ATRNL1: variants seen among roughly 807,000 people sequenced by gnomAD.
ATRNL1 encodes attractin-like protein 1.
In ATRNL1, 95 loss-of-function variants were observed where a neutral mutation model predicts 182.7. That is an observed-to-expected ratio of 0.52 (90% confidence interval 0.44 to 0.62). ATRNL1 has a LOEUF of 0.62. ATRNL1 is among the 20% of genes least tolerant of loss of function. The probability of loss-of-function intolerance (pLI) is 0.00; values close to 1 mark genes in which losing one functional copy is unlikely to be tolerated. For synonymous variants in ATRNL1, 576 were observed against 568.3 expected (o/e 1.01, Z -0.19); for missense variants, 1,471 against 1,679.5 (o/e 0.88, Z 2.17).
intron 26 of ATRNL1, among the ~76,000 whole-genome samples, chr10:115,554,119 T>G (rs185796640): frequency 6.6e-6 from 1 of 151,614 alleles, no homozygotes; most frequent in African/African-American, 2.4e-5. Flanking sequence ...TTTTAACATA[T>G]AGATAAAGCT....
chr10:115,818,074 A>G (rs1430694922), intron 27 of ATRNL1, among the ~76,000 whole-genome samples: 1 of 151,762 alleles, frequency 6.6e-6, no homozygotes, highest in Admixed American at 6.6e-5. Flanking sequence ...TAGCTGCTCC[A>G]TTAGTCTGTG....
intron 26 of ATRNL1, among the ~76,000 whole-genome samples, chr10:115,668,440 C>T (rs575228006): frequency 3.7e-4 from 57 of 152,154 alleles, no homozygotes; most frequent in African/African-American, 1.3e-3. Context: ...TAAAATTTTC[C>T]TTTACCCAGT....
chr10:115,389,569 T>TATATATAC (rs1843897355), intron 19 of ATRNL1, among the ~76,000 whole-genome samples: 2 of 120,084 alleles, frequency 1.7e-5, no homozygotes, highest in Non-Finnish European at 3.5e-5. Flanking sequence ...TATATATATA[T>TATATATAC]ATATATATAT....
intron 15 of ATRNL1, among the ~76,000 whole-genome samples, chr10:115,292,077 T>C (rs1259876324): frequency 6.6e-6 from 1 of 152,034 alleles, no homozygotes; most frequent in Non-Finnish European, 1.5e-5. Flanking sequence ...TCTTTTTGGT[T>C]CAATTTCTAG....
chr10:115,204,485 T>C (rs1848722776), intron 8 of ATRNL1, among the ~76,000 whole-genome samples: 1 of 152,120 alleles, frequency 6.6e-6, no homozygotes, highest in African/African-American at 2.4e-5. Context: ...GCTGAGAGTT[T>C]TTATCATGAA....
At chr10:115,916,426 A>G (rs1159643767) in intron 28 of ATRNL1, among the ~76,000 whole-genome samples, 1 of 152,176 alleles carries the variant, frequency 6.6e-6, no homozygotes, top group Non-Finnish European at 1.5e-5. Flanking sequence ...GTCTCGGTCT[A>G]TTGGTCATGC....
chr10:115,781,909 T>C (rs916614242), intron 27 of ATRNL1, among the ~76,000 whole-genome samples: 2 of 152,222 alleles, frequency 1.3e-5, no homozygotes, highest in African/African-American at 4.8e-5. Context: ...TCAGCTGTTA[T>C]ATAGTAGCAA....
intron 25 of ATRNL1, among the ~76,000 whole-genome samples, chr10:115,525,845 G>A (rs782506702): frequency 1.2e-4 from 18 of 151,998 alleles, no homozygotes; most frequent in Non-Finnish European, 2.1e-4. Context: ...TTAACATTTC[G>A]TTGCCCTTTA....
At chr10:115,502,584 G>A (rs1554980353) in intron 24 of ATRNL1, among the ~76,000 whole-genome samples, 1 of 151,866 alleles carries the variant, frequency 6.6e-6, no homozygotes, top group African/African-American at 2.4e-5. Flanking sequence ...TTTTAATCCT[G>A]ACCATAGGAT....
intron 28 of ATRNL1, among the ~76,000 whole-genome samples, chr10:115,873,851 A>G (rs1191955951): frequency 6.6e-6 from 1 of 152,186 alleles, no homozygotes. Flanking sequence ...TAGTGTTTAG[A>G]TAGGAGAAAT....
intron 20 of ATRNL1, among the ~76,000 whole-genome samples, chr10:115,395,735 A>ATT (rs1327960584): frequency 6.6e-6 from 1 of 151,700 alleles, no homozygotes; most frequent in African/African-American, 2.4e-5. Context: ...TTGTCTTAGC[A>ATT]TTTAGTTTTT....
intron 21 of ATRNL1, among the ~76,000 whole-genome samples, chr10:115,444,962 C>T (rs1443333755): frequency 1.3e-5 from 2 of 151,568 alleles, no homozygotes; most frequent in Non-Finnish European, 2.9e-5. Context: ...AACTCCTGAC[C>T]TCAGGTGATC....
intron 5 of ATRNL1, among the ~76,000 whole-genome samples, chr10:115,131,102 A>G (rs1459997968): frequency 6.6e-6 from 1 of 152,058 alleles, no homozygotes; most frequent in African/African-American, 2.4e-5. Context: ...GTCCCAAATC[A>G]TAAGAATTCC....
rs567927621 is a variant in ATRNL1 at position 115,816,049 on chromosome 10, A to T, written c.3904-31828A>T. ...AATTACAGTCTTAGGACTAACCAAGACAATTTTGAGCAAAAAGAAACCCCT... is the reference window on the plus strand; with the variant it reads ...AATTACAGTCTTAGGACTAACCAAGTCAATTTTGAGCAAAAAGAAACCCCT... On this transcript the variant is annotated intron_variant, in intron 27 of 28. Coordinates refer to ENST00000355044, the MANE Select transcript of ATRNL1 (RefSeq NM_207303.4). 2.6e-5 allele frequency among the ~76,000 whole-genome samples: 4 copies of T among 152,278 alleles called. No homozygotes were observed. In the South Asian group the frequency reaches 8.3e-4, roughly 32 times the overall value.
intron 26 of ATRNL1, among the ~76,000 whole-genome samples, chr10:115,707,142 G>T (rs1207181495): frequency 6.6e-6 from 1 of 151,522 alleles, no homozygotes; most frequent in East Asian, 1.9e-4. Flanking sequence ...AAAAATAATG[G>T]CTACAAATAA....
chr10:115,911,694 G>T (rs183269776), intron 28 of ATRNL1, among the ~76,000 whole-genome samples: 2 of 152,272 alleles, frequency 1.3e-5, no homozygotes, highest in Admixed American at 1.3e-4. Context: ...TACAGAGCCG[G>T]TGGGCGTGGC....
chr10:115,197,656 CCATA>C (rs773679660), intron 8 of ATRNL1, among the ~76,000 whole-genome samples: 3,701 of 152,170 alleles, frequency 0.024, 61 homozygotes, highest in Non-Finnish European at 0.036. Context: ...TTCCAGGACC[CCATA>C]CCAAAGCCAG....
intron 26 of ATRNL1, among the ~76,000 whole-genome samples, chr10:115,576,676 C>T (rs1854731823): frequency 1.3e-5 from 2 of 152,132 alleles, no homozygotes; most frequent in South Asian, 4.1e-4. Context: ...TTCTCCCAAT[C>T]CATTAACTGC....
At chr10:115,729,377 A>G (rs1302593112) in intron 27 of ATRNL1, among the ~76,000 whole-genome samples, 2 of 151,936 alleles carry the variant, frequency 1.3e-5, no homozygotes, top group Non-Finnish European at 1.5e-5. Flanking sequence ...TTGTTTTACA[A>G]CTATACTTTC....
Sources: gnomAD v4.1 joint callset for allele counts (sites outside exome capture counted in the v4.1 genomes callset) on GRCh38, gnomAD v4.1.1 for gene constraint, MANE v1.5 for transcripts, NCBI Gene and HGNC (gene_info 2026-07-23, HGNC 2026-07-21) for gene names.